The following PSD2 variants were observed in gnomAD, a reference collection of about 807,000 sequenced individuals.
The protein encoded by PSD2 is pleckstrin and Sec7 domain containing 2.
In PSD2, 38 loss-of-function variants were observed where a neutral mutation model predicts 69.8. The observed-to-expected ratio is 0.54, with a 90% CI of 0.42 to 0.71. The LOEUF is 0.71. Ranked by LOEUF, PSD2 falls within the 30% of genes least tolerant of loss-of-function variation. PSD2 has a pLI of 0.00. For missense variants in PSD2, 943 were observed against 1,014.5 expected (o/e 0.93, Z 0.96); for synonymous variants, 412 against 423.0 (o/e 0.97, Z 0.32).
the PSD2 span, among the ~76,000 whole-genome samples, chr5:139,786,655 G>C: frequency 1.3e-5 from 2 of 152,124 alleles, no homozygotes; most frequent in African/African-American, 4.8e-5. Context: ...CTCAGTGATT[G>C]GTTCAGGGCT....
the PSD2 span, chr5:139,743,784 G>A: frequency 6.6e-6 from 1 of 152,332 alleles, no homozygotes; most frequent in African/African-American, 2.4e-5. Flanking sequence ...ACTGCTGAGA[G>A]TCTGGTTGCT....
chr5:139,835,787 C>T, intron 9 of PSD2, 21 bp downstream of exon 9: 1 of 1,612,730 alleles, frequency 6.2e-7, no homozygotes, highest in South Asian at 1.1e-5. Context: ...ACGATGGGCA[C>T]AGGTATGGGG....
chr5:139,751,790 CTTTTT>C, the PSD2 span, among the ~76,000 whole-genome samples: 1 of 120,414 alleles, frequency 8.3e-6, no homozygotes, highest in Admixed American at 8.3e-5. Context: ...AGGGTCCAGC[CTTTTT>C]TTTTTTTTTT....
the PSD2 span, among the ~76,000 whole-genome samples, chr5:139,764,577 G>A: frequency 2.0e-5 from 3 of 152,162 alleles, no homozygotes; most frequent in South Asian, 6.2e-4. Flanking sequence ...CGTCTCCATG[G>A]CAACGCGGCA....
chr5:139,835,204 C>G (rs945682911), intron 8 of PSD2, among the ~76,000 whole-genome samples: 7 of 151,648 alleles, frequency 4.6e-5, no homozygotes, highest in Non-Finnish European at 1.0e-4. Context: ...CCCTGCCATT[C>G]ATTTGCCCAC....
chr5:139,823,336 G>T (rs1760322255), intron 7 of PSD2, among the ~76,000 whole-genome samples: 1 of 152,084 alleles, frequency 6.6e-6, no homozygotes, highest in Non-Finnish European at 1.5e-5. Flanking sequence ...CTAGTGGTGT[G>T]CATGCCCTGT....
At chr5:139,784,234 T>TG in the PSD2 span, among the ~76,000 whole-genome samples, 2 of 152,042 alleles carry the variant, frequency 1.3e-5, no homozygotes, top group Admixed American at 6.5e-5. Context: ...GCCATTGCGC[T>TG]GGCCTCCCCC....
chr5:139,823,465 A>G (rs1349257172), intron 7 of PSD2, among the ~76,000 whole-genome samples: 1 of 152,102 alleles, frequency 6.6e-6, no homozygotes. Flanking sequence ...CTAGGTAGGG[A>G]ATATCTCAGT....
At chr5:139,807,230 G>A (rs1174696740) in intron 1 of PSD2, among the ~76,000 whole-genome samples, 2 of 152,166 alleles carry the variant, frequency 1.3e-5, no homozygotes, top group Non-Finnish European at 2.9e-5. Context: ...TGGTGAAATC[G>A]GGTTGAAACC....
At chr5:139,842,205 A>G in intron 14 of PSD2, 66 bp from the exon 15 acceptor site, 3 of 1,344,502 alleles carry the variant, frequency 2.2e-6, no homozygotes, top group Non-Finnish European at 3.2e-6. Flanking sequence ...GTCTTTTGTC[A>G]TATAAGGTGC....
chr5:139,784,868 T>C, the PSD2 span, among the ~76,000 whole-genome samples: 45,252 of 151,702 alleles, frequency 0.3, 7,269 homozygotes, highest in African/African-American at 0.42. Context: ...GATTTTCCTG[T>C]CTCAGCCTCC....
chr5:139,841,399 G>T (rs1760866359), intron 14 of PSD2, among the ~76,000 whole-genome samples: 1 of 152,072 alleles, frequency 6.6e-6, no homozygotes, highest in Admixed American at 6.5e-5. Context: ...ACCACATTTT[G>T]TTTATCCGTT....
the PSD2 span, among the ~76,000 whole-genome samples, chr5:139,744,461 G>A: frequency 6.6e-6 from 1 of 152,292 alleles, no homozygotes; most frequent in East Asian, 1.9e-4. Context: ...CTCAGAGTTG[G>A]CTAGCTCCCC....
Position 139,813,753 on chromosome 5 carries a change from A to G in PSD2, c.816A>G (p.Ser272=), listed in dbSNP as rs1477009620. The change falls in exon 3 of 15, where the codon TCA becomes TCG. Residue 272 remains serine, a synonymous_variant. Transcript: ENST00000274710. Reference sequence around the variant, plus strand: ...AGGACACGGACAAGTTGCTGAACTCAGCCAGGTGAGGCAGGGCCCAGGCTG... The same window carrying G: ...AGGACACGGACAAGTTGCTGAACTCGGCCAGGTGAGGCAGGGCCCAGGCTG... ...DEEDTDKLLN[S]ASDPSLKDGL... 3 of 1,600,298 alleles carry G rather than the reference A, an allele frequency of 1.9e-6. No individual in the cohort carries two copies. Among genetic ancestry groups the G allele is most frequent in the African/African-American group, 2.7e-5 (2 of 74,740 alleles).
chr5:139,822,135 C>T, intron 6 of PSD2, 130 bp downstream of exon 6: 1 of 567,464 alleles, frequency 1.8e-6, no homozygotes, highest in East Asian at 3.0e-5. Context: ...CTCTGGCATG[C>T]AGTAGGTGCT....
At chr5:139,783,357 G>A in the PSD2 span, among the ~76,000 whole-genome samples, 1 of 152,170 alleles carries the variant, frequency 6.6e-6, no homozygotes, top group East Asian at 1.9e-4. Context: ...CAGAAGGATC[G>A]CTTGAGCCCA....
chr5:139,757,446 G>A, the PSD2 span, among the ~76,000 whole-genome samples: 2 of 152,154 alleles, frequency 1.3e-5, no homozygotes, highest in Non-Finnish European at 2.9e-5. Context: ...TAGTGTGGAT[G>A]GGTGTTTTTA....
At chr5:139,793,930 A>C (rs1208605632), upstream of PSD2, among the ~76,000 whole-genome samples, 3 of 152,306 alleles carry the variant, frequency 2.0e-5, no homozygotes, top group East Asian at 5.8e-4. Flanking sequence ...ACTTGAGGGC[A>C]TGGGTGCCAA....
At chr5:139,789,333 G>A in the PSD2 span, among the ~76,000 whole-genome samples, 6 of 152,308 alleles carry the variant, frequency 3.9e-5, no homozygotes, top group African/African-American at 1.4e-4. Context: ...AGACCTGCCC[G>A]GCCTGGGGGC....
Sources: gnomAD v4.1 joint callset for allele counts (sites outside exome capture counted in the v4.1 genomes callset) on GRCh38, gnomAD v4.1.1 for gene constraint, MANE v1.5 for transcripts, NCBI Gene and HGNC (gene_info 2026-07-23, HGNC 2026-07-21) for gene names.